TRPM3: variants seen among roughly 807,000 people sequenced by gnomAD.
The protein encoded by TRPM3 is long transient receptor potential channel 3.
TRPM3 carries 77 observed loss-of-function variants against 181.2 expected under a neutral mutation model. The observed-to-expected ratio is 0.42, with a 90% CI of 0.35 to 0.51. TRPM3 has a LOEUF of 0.51. TRPM3 is among the 20% of genes least tolerant of loss of function. The pLI, the probability that TRPM3 is intolerant of heterozygous loss-of-function variation, is 0.01. For synonymous variants in TRPM3, 745 were observed against 796.4 expected (o/e 0.94, Z 1.09); for missense variants, 1,759 against 2,196.7 (o/e 0.80, Z 3.98).
Position 70,536,918 on chromosome 9 carries a change from A to G in TRPM3, c.4195T>C (p.Leu1399=), listed in dbSNP as rs752322259. The change falls in exon 26 of 26, where the codon TTG becomes CTG. Residue 1399 remains leucine (L), a synonymous_variant. Transcript: ENST00000677713. ...PKAPAAPANT[L]AIVPDSRRPS... ...CTTCTGGAATCAGGAACAATGGCCAAGGTGTTGGCAGGGGCTGCAGGAGCT... is the reference window on the plus strand; with the variant it reads ...CTTCTGGAATCAGGAACAATGGCCAGGGTGTTGGCAGGGGCTGCAGGAGCT... The G allele has an allele frequency of 1.2e-6, 2 of 1,614,084 alleles. No homozygotes were observed. Among genetic ancestry groups the G allele is most frequent in the African/African-American group, 2.7e-5 (2 of 74,914 alleles).
At chr9:70,810,058 C>T (rs2091664272) in intron 6 of TRPM3, 5 of 534,540 alleles carry the variant, frequency 9.4e-6, no homozygotes, top group South Asian at 5.6e-5. Context: ...GGGAAGTCCA[C>T]GAGTCACATG....
chr9:71,011,757 G>A (rs1360338606), intron 1 of TRPM3, among the ~76,000 whole-genome samples: 2 of 148,044 alleles, frequency 1.4e-5, no homozygotes, highest in African/African-American at 2.5e-5. Context: ...GGTCATACAG[G>A]AATTCATCCA....
intron 1 of TRPM3, among the ~76,000 whole-genome samples, chr9:70,974,232 G>A (rs1345034917): frequency 6.6e-6 from 1 of 151,990 alleles, no homozygotes; most frequent in Non-Finnish European, 1.5e-5. Context: ...TTAAACAGAG[G>A]AGAAATGTGT....
chr9:71,217,751 CCAAA>C (rs1565352425), intron 1 of TRPM3, among the ~76,000 whole-genome samples: 1 of 152,180 alleles, frequency 6.6e-6, no homozygotes, highest in Admixed American at 6.5e-5. Context: ...GGGGAACCAA[CCAAA>C]CAAACAAACC....
chr9:70,755,091 T>C (rs1377420021), intron 8 of TRPM3, among the ~76,000 whole-genome samples: 2 of 152,180 alleles, frequency 1.3e-5, no homozygotes, highest in Non-Finnish European at 2.9e-5. Context: ...TCTAACTTAT[T>C]TTTGCCCGGA....
intron 1 of TRPM3, among the ~76,000 whole-genome samples, chr9:71,084,279 C>T (rs1450582351): frequency 6.6e-6 from 1 of 151,920 alleles, no homozygotes; most frequent in Non-Finnish European, 1.5e-5. Context: ...AAAAACTGCT[C>T]TAAGAATCTG....
At chr9:71,320,866 C>T (rs2089158057) in intron 1 of TRPM3, among the ~76,000 whole-genome samples, 1 of 151,984 alleles carries the variant, frequency 6.6e-6, no homozygotes, top group African/African-American at 2.4e-5. Context: ...CAAAAGGATC[C>T]TCTTCCACAA....
intron 22 of TRPM3, among the ~76,000 whole-genome samples, chr9:70,570,102 T>C (rs2051802977): frequency 1.3e-5 from 2 of 152,146 alleles, no homozygotes; most frequent in South Asian, 4.1e-4. Context: ...TTGGCGTTGC[T>C]TTAGATTTTG....
intron 19 of TRPM3, among the ~76,000 whole-genome samples, chr9:70,607,013 T>C (rs1241567332): frequency 2.0e-5 from 3 of 152,092 alleles, no homozygotes; most frequent in Admixed American, 6.6e-5. Context: ...CACTGTGTCC[T>C]CTGACCTGCA....
At chr9:70,765,040 A>C (rs1389440489) in intron 7 of TRPM3, among the ~76,000 whole-genome samples, 1 of 152,194 alleles carries the variant, frequency 6.6e-6, no homozygotes, top group African/African-American at 2.4e-5. Context: ...ATCTCATAAC[A>C]ATCTATGAGG....
chr9:71,187,411 C>A (rs1246956184), intron 1 of TRPM3, among the ~76,000 whole-genome samples: 1 of 151,922 alleles, frequency 6.6e-6, no homozygotes, highest in African/African-American at 2.4e-5. Context: ...GGGTGCTCAG[C>A]TCTAAGCAAA....
chr9:71,216,006 C>T (rs572785322), intron 1 of TRPM3, among the ~76,000 whole-genome samples: 29 of 152,258 alleles, frequency 1.9e-4, no homozygotes, highest in African/African-American at 6.7e-4. Context: ...CTAGAACCTG[C>T]AGAGTTCCAT....
intron 17 of TRPM3, among the ~76,000 whole-genome samples, chr9:70,616,339 A>G (rs148827475): frequency 1.3e-5 from 2 of 152,196 alleles, no homozygotes; most frequent in African/African-American, 4.8e-5. Context: ...GGAGGAAAAA[A>G]GCATTTTGCC....
intron 1 of TRPM3, among the ~76,000 whole-genome samples, chr9:71,232,574 C>T (rs2081128729): frequency 7.0e-6 from 1 of 143,076 alleles, no homozygotes; most frequent in Admixed American, 7.2e-5. Flanking sequence ...GATCTCCACT[C>T]ACTGCAACCT....
chr9:70,593,835 GTATATAA>G (rs1393740742), intron 21 of TRPM3, among the ~76,000 whole-genome samples: 2 of 146,894 alleles, frequency 1.4e-5, no homozygotes, highest in Admixed American at 1.4e-4. Context: ...ACAGAGGAGA[GTATATAA>G]TATATATTAT....
At chr9:71,400,508 G>A (rs2093317445) in intron 1 of TRPM3, among the ~76,000 whole-genome samples, 1 of 152,092 alleles carries the variant, frequency 6.6e-6, no homozygotes, top group Non-Finnish European at 1.5e-5. Flanking sequence ...GAGTTGCATG[G>A]GGGTAAAAGA....
intron 1 of TRPM3, among the ~76,000 whole-genome samples, chr9:71,163,191 A>T (rs1478512804): frequency 6.6e-6 from 1 of 152,208 alleles, no homozygotes; most frequent in East Asian, 1.9e-4. Flanking sequence ...TTCCAAGGTC[A>T]CAGTGTGAAG....
chr9:70,896,625 T>C (rs954991909), intron 1 of TRPM3, among the ~76,000 whole-genome samples: 1 of 152,156 alleles, frequency 6.6e-6, no homozygotes, highest in Non-Finnish European at 1.5e-5. Flanking sequence ...GCACTTTCAA[T>C]AACAAAAGAA....
chr9:70,860,735 A>G (rs1480656566), intron 3 of TRPM3, among the ~76,000 whole-genome samples: 1 of 152,224 alleles, frequency 6.6e-6, no homozygotes, highest in Non-Finnish European at 1.5e-5. Context: ...CGAAGTATTT[A>G]GTCAAAATGT....
Sources: gnomAD v4.1 joint callset for allele counts (sites outside exome capture counted in the v4.1 genomes callset) on GRCh38, gnomAD v4.1.1 for gene constraint, MANE v1.5 for transcripts, NCBI Gene and HGNC (gene_info 2026-07-23, HGNC 2026-07-21) for gene names.